The following MPP2 variants were observed in gnomAD, a reference collection of about 807,000 sequenced individuals.
MPP2 encodes the protein MAGUK p55 scaffold protein 2.
MPP2 carries 42 observed loss-of-function variants against 58.5 expected under a neutral mutation model. The observed-to-expected ratio is 0.72, with a 90% CI of 0.56 to 0.93. The LOEUF (loss-of-function observed/expected upper bound fraction) is 0.93. MPP2 is among the 40% of genes least tolerant of loss of function. MPP2 has a pLI of 0.00. For synonymous variants in MPP2, 300 were observed against 307.8 expected, an observed-to-expected ratio of 0.97 and a Z score of 0.26; for missense variants, 632 against 760.4, an observed-to-expected ratio of 0.83 and a Z score of 1.99.
chr17:43,882,585 C>T (rs2047184391), intron 5 of MPP2, 74 bp from the exon 6 acceptor site: 3 of 1,408,278 alleles, frequency 2.1e-6, no homozygotes, highest in South Asian at 1.3e-5. Flanking sequence ...CTCCTAATAG[C>T]TCCTCCATTC....
upstream of MPP2, among the ~76,000 whole-genome samples, chr17:43,908,675 C>G (rs541782006): frequency 1.3e-5 from 2 of 152,288 alleles, no homozygotes; most frequent in South Asian, 2.1e-4. Context: ...CAACACCGCA[C>G]TCCAGCCTGG....
At chr17:43,890,407 A>G (rs1276185267) in intron 3 of MPP2, among the ~76,000 whole-genome samples, 1 of 152,192 alleles carries the variant, frequency 6.6e-6, no homozygotes, top group Non-Finnish European at 1.5e-5. Flanking sequence ...AGACACAGCT[A>G]GTTTATAGTG....
At chr17:43,898,568 G>A (rs2047952937) in intron 2 of MPP2, among the ~76,000 whole-genome samples, 188 bp from the exon 3 acceptor site, 1 of 151,832 alleles carries the variant, frequency 6.6e-6, no homozygotes, top group Admixed American at 6.6e-5. Flanking sequence ...GGATCCTGGA[G>A]GAAGGGGACA....
chr17:43,901,319 C>T, intron 2 of MPP2: 1 of 985,596 alleles, frequency 1.0e-6, no homozygotes, highest in East Asian at 1.1e-4. Context: ...CCTCCCCCAT[C>T]TCCCATGAGT....
chr17:43,890,733 A>C (rs1358254013), intron 3 of MPP2, among the ~76,000 whole-genome samples: 1 of 152,196 alleles, frequency 6.6e-6, no homozygotes, highest in Non-Finnish European at 1.5e-5. Context: ...TTGTGACTGG[A>C]GGCTTGTCCT....
chr17:43,894,025 AGCACTTTGGGAGGCTGAG>A (rs1290045126), intron 3 of MPP2, among the ~76,000 whole-genome samples: 3 of 152,034 alleles, frequency 2.0e-5, no homozygotes. Context: ...CTGTAATCCC[AGCACTTTGGGAGGCTGAG>A]GCAGGCGAAT....
chr17:43,879,659 G>T lies in MPP2; in HGVS notation c.1353+123C>A. On this transcript the variant is annotated intron_variant, in intron 11 of 12. Coordinates refer to ENST00000269095, the MANE Select transcript of MPP2 (RefSeq NM_005374.5). The surrounding 1 kb of genome is among the most constrained non-coding windows in gnomAD (Gnocchi z 4.1). Reference sequence around the variant, plus strand: ...TTCCAGGTGGGCTGGGTTTCTAGCAGTAGTTGAGGGCAAAGGGGGTACATG... The same window carrying T: ...TTCCAGGTGGGCTGGGTTTCTAGCATTAGTTGAGGGCAAAGGGGGTACATG... 1 of 1,192,048 alleles carries T rather than the reference G, an allele frequency of 8.4e-7. No individual in the cohort carries two copies. Among genetic ancestry groups the T allele is most frequent in the Non-Finnish European group, 1.2e-6 (1 of 846,374 alleles). The allele number at this position is 1,192,048 out of a possible 1,614,324, so 73.8% of individuals were successfully genotyped here.
In MPP2 at chr17:43,899,005, G is replaced by A. The variant is rs56352755; in HGVS notation, c.32-625C>T. On this transcript the variant is annotated intron_variant, in intron 2 of 12. Transcript: ENST00000269095. ...TCACGCCTGTAATCCCAGCACTTTG[G>A]GAGGCCGAAGCGGGTGGATTGCCTG... Among the ~76,000 whole-genome samples the A allele has an allele frequency of 8.6e-3, 1,303 of 151,568 alleles. 18 individuals carry two copies. Among genetic ancestry groups the A allele is most frequent in the Admixed American group, 0.02 (305 of 15,230 alleles).
rs1035707775 is a variant in MPP2 at position 43,876,230 on chromosome 17, C to G, written c.*1577G>C. On this transcript the variant is annotated 3_prime_UTR_variant, in exon 13 of 13. Coordinates refer to ENST00000269095, the MANE Select transcript of MPP2 (RefSeq NM_005374.5). ...AAATGGGCACACAGTGGTTCAGGGG[C>G]CAGCTTTGGCTGACGCTGCAGCGAA... is the stretch of plus-strand genomic sequence containing the variant. The G allele has an allele frequency of 6.6e-6, 1 of 152,620 alleles. No individual in the cohort carries two copies. The highest frequency in any genetic ancestry group is 2.4e-5 in the African/African-American group (1 of 41,442). 9.5% of individuals were successfully genotyped at this position (152,620 alleles called of 1,614,324 possible).
rs374322865 is a variant in MPP2, at chr17:43,883,063, G to T, written c.304-11C>A. 2 of 1,607,382 alleles carry T rather than the reference G, an allele frequency of 1.2e-6. No homozygotes were observed. Among genetic ancestry groups the T allele is most frequent in the African/African-American group, 2.7e-5 (2 of 74,944 alleles). ...CGTCTCCAGGAGGGACTGGGGGGTGGTGGGAAGAGAAGGGACAATGGGGCA... is the reference window on the plus strand; with the variant it reads ...CGTCTCCAGGAGGGACTGGGGGGTGTTGGGAAGAGAAGGGACAATGGGGCA... On this transcript the variant is annotated splice_polypyrimidine_tract_variant and intron_variant, in intron 4 of 12. Transcript: ENST00000269095.
In MPP2 at chr17:43,879,784, G is replaced by A. The variant is rs1267352855; in HGVS notation, c.1351C>T (p.Gln451Ter). 1 of 1,613,210 alleles carries A rather than the reference G, an allele frequency of 6.2e-7. No individual in the cohort carries two copies. Among genetic ancestry groups the A allele is most frequent in the African/African-American group, 1.3e-5 (1 of 74,956 alleles). The change falls in exon 11 of 13, where the codon CAG (glutamine) becomes TAG (stop). Residue 451 changes from glutamine (Q) to a stop codon, truncating the protein, a stop_gained and splice_region_variant. Coordinates refer to ENST00000269095, the MANE Select transcript of MPP2 (RefSeq NM_005374.5). LOFTEE classifies it high-confidence loss of function. This position sits in a 1 kb window ranked among gnomAD's most constrained non-coding sequence, Gnocchi z 4.1. ...GKVCVLDVNPQAVKVLRTAEF... is the reference protein window; with the variant it reads ...GKVCVLDVNP ...GGGAAGGAGCAGAGTGGCGGTACCT[G>A]GGGGTTGACATCCAGCACGCACACC...
upstream of MPP2, chr17:43,908,004 A>G (rs947284053): frequency 4.1e-6 from 4 of 983,746 alleles, no homozygotes; most frequent in African/African-American, 7.0e-5. Context: ...CCTCGGGATC[A>G]GGGGCAGCTT....
chr17:43,882,735 A>G (rs1427027537), intron 5 of MPP2, among the ~76,000 whole-genome samples, 168 bp downstream of exon 5: 1 of 151,800 alleles, frequency 6.6e-6, no homozygotes, highest in African/African-American at 2.4e-5. Context: ...TGCAGTGTCT[A>G]TGGTCTCCTG....
chr17:43,899,155 G>A (rs2143749600), intron 2 of MPP2, among the ~76,000 whole-genome samples: 1 of 152,192 alleles, frequency 6.6e-6, no homozygotes, highest in Non-Finnish European at 1.5e-5. Context: ...GCTGAGGCAG[G>A]AAAATCGCTT....
intron 3 of MPP2, among the ~76,000 whole-genome samples, chr17:43,888,590 G>A (rs1485773661): frequency 6.6e-6 from 1 of 152,190 alleles, no homozygotes; most frequent in Non-Finnish European, 1.5e-5. Flanking sequence ...GGGTTAACAG[G>A]AGCCAGCTCT....
intron 1 of MPP2, chr17:43,905,585 G>A (rs757206896): frequency 1.3e-5 from 2 of 152,312 alleles, no homozygotes; most frequent in African/African-American, 4.8e-5. Context: ...TCCTGGGCAT[G>A]TGCTGCTGGA....
Position 43,877,866 on chromosome 17 carries a change from T to C in MPP2, c.1600A>G (p.Thr534Ala). Residue 534 changes from threonine to alanine, a missense_variant, in exon 13 of 13, where the codon ACA becomes GCA. Transcript: ENST00000269095. Reference sequence around the variant, plus strand: ...TCTGTCCGTAGCTTCTCCATGGCTGTCTGGAGCTCGCGGAAGGTCCTCTCC... The same window carrying C: ...TCTGTCCGTAGCTTCTCCATGGCTGCCTGGAGCTCGCGGAAGGTCCTCTCC... The part of the protein sequence containing the change: ...NLERTFRELQ[T>A]AMEKLRTEPQ... The C allele has an allele frequency of 1.2e-6, 2 of 1,614,104 alleles. No homozygotes were observed. The highest frequency in any genetic ancestry group is 2.2e-5 in the East Asian group (1 of 44,890).
intron 3 of MPP2, among the ~76,000 whole-genome samples, chr17:43,894,430 T>G (rs2047739574): frequency 8.1e-5 from 1 of 12,384 alleles, no homozygotes; most frequent in African/African-American, 2.8e-4. Flanking sequence ...TATATATATA[T>G]ATATATATAT....
chr17:43,900,555 C>T, intron 2 of MPP2: 1 of 1,544,824 alleles, frequency 6.5e-7, no homozygotes, highest in Non-Finnish European at 8.7e-7. Flanking sequence ...CCTGCCATGG[C>T]GGCCCCCAGA....
Sources: gnomAD v4.1 joint callset for allele counts (sites outside exome capture counted in the v4.1 genomes callset) on GRCh38, gnomAD v4.1.1 for gene constraint, Gnocchi (gnomAD v3.1) non-coding constraint, MANE v1.5 for transcripts, NCBI Gene and HGNC (gene_info 2026-07-23, HGNC 2026-07-21) for gene names.